ALDH1L2: variants seen among roughly 807,000 people sequenced by gnomAD.
ALDH1L2 encodes the protein aldehyde dehydrogenase 1 family member L2, also known as mitochondrial 10-formyltetrahydrofolate dehydrogenase.
ALDH1L2 carries 91 observed loss-of-function variants against 111.0 expected under a neutral mutation model. That is an observed-to-expected ratio of 0.82 (90% confidence interval 0.69 to 0.98). The LOEUF (loss-of-function observed/expected upper bound fraction) is 0.98. ALDH1L2 is among the 50% of genes least tolerant of loss of function. The probability of loss-of-function intolerance (pLI) is 0.00; values close to 1 mark genes in which losing one functional copy is unlikely to be tolerated. For missense variants in ALDH1L2, 995 were observed against 1,126.8 expected (o/e 0.88, Z 1.67); for synonymous variants, 374 against 392.6 (o/e 0.95, Z 0.56).
At chr12:105,045,992 C>G (rs532786821) in intron 15 of ALDH1L2, among the ~76,000 whole-genome samples, 50 of 151,806 alleles carry the variant, frequency 3.3e-4, no homozygotes, top group Admixed American at 1.4e-3. Context: ...GTTAACTTGG[C>G]TGCCATATTT....
At chr12:105,067,402 C>T (rs1276820753) in intron 4 of ALDH1L2, among the ~76,000 whole-genome samples, 1 of 151,946 alleles carries the variant, frequency 6.6e-6, no homozygotes, top group Non-Finnish European at 1.5e-5. Flanking sequence ...TAGTGATTCA[C>T]TGGAAATGAT....
intron 18 of ALDH1L2, among the ~76,000 whole-genome samples, chr12:105,035,839 A>ATGTGTGTGTG (rs1159145670): frequency 0.015 from 1,496 of 100,208 alleles, 297 homozygotes; most frequent in African/African-American, 0.082. Flanking sequence ...ATATATATAT[A>ATGTGTGTGTG]TGTGTGTGTG....
intron 1 of ALDH1L2, among the ~76,000 whole-genome samples, chr12:105,076,396 C>G (rs1878054807): frequency 6.6e-6 from 1 of 152,172 alleles, no homozygotes; most frequent in Non-Finnish European, 1.5e-5. Flanking sequence ...ATTATTATCT[C>G]ATTTGATTGC....
intron 1 of ALDH1L2, among the ~76,000 whole-genome samples, chr12:105,074,474 AAAAAAAAAAG>A: frequency 9.6e-6 from 1 of 104,174 alleles, no homozygotes; most frequent in East Asian, 2.7e-4. Context: ...AAAAAAAAAA[AAAAAAAAAAG>A]AAAAGAAAAA....
intron 6 of ALDH1L2, 125 bp from the exon 7 acceptor site, chr12:105,063,147 C>G: frequency 9.0e-7 from 1 of 1,109,094 alleles, no homozygotes. Flanking sequence ...AATTGAGACA[C>G]CACAATGGGA....
chr12:105,058,570 T>C (rs145010744), intron 9 of ALDH1L2, among the ~76,000 whole-genome samples: 18 of 152,222 alleles, frequency 1.2e-4, no homozygotes, highest in Admixed American at 6.5e-5. Context: ...AAAGACACTT[T>C]CCTAACTGTA....
intron 10 of ALDH1L2, among the ~76,000 whole-genome samples, chr12:105,057,383 A>T (rs1358494354): frequency 2.0e-5 from 3 of 152,220 alleles, no homozygotes; most frequent in African/African-American, 7.2e-5. Context: ...TAGAGTTACC[A>T]TATGACTCAT....
intron 1 of ALDH1L2, among the ~76,000 whole-genome samples, chr12:105,076,713 G>C (rs992193740): frequency 6.6e-5 from 10 of 152,160 alleles, no homozygotes; most frequent in Admixed American, 6.5e-4. Context: ...TAAATGCTCA[G>C]TAAATGTTAC....
At chr12:105,050,264 G>A (rs1592783593) in intron 12 of ALDH1L2, 1 of 422,326 alleles carries the variant, frequency 2.4e-6, no homozygotes, top group East Asian at 4.3e-5. Flanking sequence ...CAAAGGAGAA[G>A]CAGAGGGTAT....
intron 10 of ALDH1L2, among the ~76,000 whole-genome samples, chr12:105,055,773 T>G (rs889696091): frequency 5.3e-5 from 8 of 152,144 alleles, no homozygotes; most frequent in Admixed American, 1.3e-4. Flanking sequence ...TAAAAATGCT[T>G]AAGTTGAAAA....
At chr12:105,071,865 C>T (rs1473691560) in intron 2 of ALDH1L2, among the ~76,000 whole-genome samples, 1 of 149,080 alleles carries the variant, frequency 6.7e-6, no homozygotes, top group African/African-American at 2.5e-5. Context: ...GGCAGGAGGA[C>T]TGCTTAAACT....
At chr12:105,084,313 G>A in intron 1 of ALDH1L2, 76 bp downstream of exon 1, 1 of 1,451,556 alleles carries the variant, frequency 6.9e-7, no homozygotes, top group Non-Finnish European at 9.1e-7. Flanking sequence ...CAGCCCCACC[G>A]CCCCGGCCCT....
At position 105,046,899 on chromosome 12, in the gene ALDH1L2, C is replaced by T. The variant is rs1565957682; in HGVS notation, c.1757G>A (p.Gly586Asp). Residue 586 changes from glycine to aspartate, a missense_variant and splice_region_variant, in exon 14 of 23, where the codon GGT becomes GAT. Coordinates refer to ENST00000258494, the MANE Select transcript of ALDH1L2 (RefSeq NM_001034173.4). ...NLTFTKKEPLGVCAIIIPWNY... is the reference protein window; with the variant it reads ...NLTFTKKEPLDVCAIIIPWNY... ...CTCAGAGGCACTCTCCTTATCTTAC[C>T]CGAGTGGCTCTTTCTTGGTGAAGGT... The T allele has an allele frequency of 1.2e-6, 2 of 1,614,014 alleles. No homozygotes were observed. Among genetic ancestry groups the T allele is most frequent in the Non-Finnish European group, 1.7e-6 (2 of 1,179,900 alleles).
rs368004909 is a variant in ALDH1L2, at chr12:105,071,723, C to G, written c.194-919G>C. On this transcript the variant is annotated intron_variant, in intron 2 of 22. Coordinates refer to ENST00000258494, the MANE Select transcript of ALDH1L2 (RefSeq NM_001034173.4). ...CCAGGCCGGACTGCAGTGGTGCTAT[C>G]TCAGCTCACTGCAAGCCCCGCCTCC... Among the ~76,000 whole-genome samples the G allele has an allele frequency of 6.1e-4, 76 of 125,038 alleles. 1 individual carries two copies. In the East Asian group the frequency reaches 0.018, roughly 30 times the overall value. The allele number at this position is 125,038 out of a possible 152,430, so 82.0% of individuals were successfully genotyped here.
intron 2 of ALDH1L2, among the ~76,000 whole-genome samples, chr12:105,071,575 T>TTA (rs985173691): frequency 5.8e-5 from 8 of 137,366 alleles, no homozygotes; most frequent in East Asian, 4.2e-4. Flanking sequence ...TCTTAAGTAT[T>TTA]TATATATATA....
intron 17 of ALDH1L2, among the ~76,000 whole-genome samples, 198 bp from the exon 18 acceptor site, chr12:105,038,400 A>G (rs1358135576): frequency 1.3e-5 from 2 of 152,152 alleles, no homozygotes; most frequent in African/African-American, 4.8e-5. Flanking sequence ...ATTCAAGGCC[A>G]GGCACAGTGA....
chr12:105,066,705 T>C (rs2136099596), intron 4 of ALDH1L2, 36 bp from the exon 5 acceptor site: 2 of 1,553,908 alleles, frequency 1.3e-6, no homozygotes, highest in Non-Finnish European at 1.8e-6. Context: ...TACAGCCCAA[T>C]GATCAACAAT....
At chr12:105,030,500 TAA>T in intron 20 of ALDH1L2, 71 bp from the exon 21 acceptor site, 1 of 1,265,676 alleles carries the variant, frequency 7.9e-7, no homozygotes, top group Non-Finnish European at 1.1e-6. Context: ...TCCTCTCACT[TAA>T]TTACATTATA....
intron 19 of ALDH1L2, 127 bp from the exon 20 acceptor site, chr12:105,032,061 A>G: frequency 1.2e-6 from 1 of 809,766 alleles, no homozygotes; most frequent in Non-Finnish European, 1.8e-6. Flanking sequence ...ATAGCACCGG[A>G]GGTAGGTGGT....
Sources: gnomAD v4.1 joint callset for allele counts (sites outside exome capture counted in the v4.1 genomes callset) on GRCh38, gnomAD v4.1.1 for gene constraint, MANE v1.5 for transcripts, NCBI Gene and HGNC (gene_info 2026-07-23, HGNC 2026-07-21) for gene names.